The following EMD variants were observed in gnomAD, a reference collection of about 807,000 sequenced individuals.
EMD encodes the protein LEM domain containing 5.
Under a neutral mutation model 15.2 loss-of-function variants are expected in EMD, and 2 were observed. That is an observed-to-expected ratio of 0.13 (90% CI 0.05 to 0.41). The LOEUF is 0.41. Among genes scored for constraint, EMD ranks in the 10% least tolerant of loss-of-function variants. EMD has a pLI of 0.99. For synonymous variants in EMD, 122 were observed against 86.2 expected (o/e 1.42, Z -2.30); for missense variants, 224 against 213.4 (o/e 1.05, Z -0.31).
At chrX:154,379,832 G>A in intron 2 of EMD, 38 bp downstream of exon 2, 1 of 1,183,008 alleles carries the variant, frequency 8.5e-7, no homozygotes, top group Non-Finnish European at 1.1e-6. Context: ...TGGGACGCGG[G>A]GAGGATGGGG....
At chrX:154,380,557 G>C (rs1343959899) in intron 4 of EMD, 190 bp downstream of exon 4, 3 of 851,232 alleles carry the variant, frequency 3.5e-6, no homozygotes, top group Non-Finnish European at 5.0e-6. Context: ...GGCAAAAGGG[G>C]ATGCTGGGGC....
intron 1 of EMD, 23 bp from the exon 2 acceptor site, chrX:154,379,667 C>T: frequency 1.7e-6 from 2 of 1,206,576 alleles, no homozygotes; most frequent in Non-Finnish European, 2.2e-6. Context: ...GCCCGCGGCC[C>T]TGACCGCCCC....
rs782354948 is a variant in EMD at position 154,380,733 on chromosome X, G to A, written c.400-20G>A. 71 of 1,209,770 alleles carry A rather than the reference G, an allele frequency of 5.9e-5. No homozygotes were observed. In the Admixed American group the frequency reaches 6.5e-4, roughly 11 times the overall value. On this transcript the variant is annotated intron_variant, in intron 4 of 5. Transcript: ENST00000369842. The stretch of plus-strand genomic sequence containing the variant: ...GGTGGCCCTGCCAGCCAGTCCCCTC[G>A]CCCTGACTCTCTTCTGCAGGTGCAT...
chrX:154,380,898 G>C lies in EMD; in HGVS notation c.466G>C (p.Gly156Arg), dbSNP rs144594695. ...ECKDRERPMY[G>R]RDSAYQSITH... is the part of the protein sequence containing the mutation. ...TTGCCTCAGGGAACGCCCCATGTAC[G>C]GCCGGGACAGTGCCTACCAGAGCAT... The change falls in exon 6 of 6, where the codon GGC becomes CGC. Residue 156 changes from glycine to arginine, a missense_variant. By Grantham distance (125) the Gly-to-Arg change is moderately radical. Transcript: ENST00000369842. 46 of 1,210,305 alleles carry C rather than the reference G, an allele frequency of 3.8e-5. No individual in the cohort carries two copies. The highest frequency in any genetic ancestry group is 4.1e-5 in the Non-Finnish European group (37 of 895,230).
chrX:154,380,843 C>T, intron 5 of EMD, 39 bp from the exon 6 acceptor site: 1 of 1,211,853 alleles, frequency 8.3e-7, no homozygotes, highest in Non-Finnish European at 1.1e-6. Flanking sequence ...GGTTCTGGGT[C>T]CAGGCTCCTG....
At position 154,381,269 on chromosome X, in the gene EMD, G is replaced by T; in HGVS notation, c.*72G>T. The T allele has an allele frequency of 1.1e-6, 1 of 923,563 alleles. No homozygotes were observed. The highest frequency in any genetic ancestry group is 4.0e-5 in the East Asian group (1 of 25,208). 76.1% of individuals were successfully genotyped at this position (923,563 alleles called of 1,213,427 possible). Reference sequence around the variant, plus strand: ...TCCTGGCTGACTGCCTTAGCAGTGGGGGTGGGGGTGGGGGCAGGGGCAGGG... The same window carrying T: ...TCCTGGCTGACTGCCTTAGCAGTGGTGGTGGGGGTGGGGGCAGGGGCAGGG... On this transcript the variant is annotated 3_prime_UTR_variant, in exon 6 of 6. Transcript: ENST00000369842.
chrX:154,379,660 C>T (rs1175282825), intron 1 of EMD, 30 bp from the exon 2 acceptor site: 2 of 1,203,093 alleles, frequency 1.7e-6, no homozygotes, highest in African/African-American at 1.7e-5. Context: ...TTCCCCGGCC[C>T]GCGGCCCTGA....
At chrX:154,379,869 T>C (rs2067876478) in intron 2 of EMD, 73 bp from the exon 3 acceptor site, 4 of 1,175,296 alleles carry the variant, frequency 3.4e-6, no homozygotes, top group Non-Finnish European at 4.6e-6. Flanking sequence ...GGGGGGCCGG[T>C]CGAGAGCGGC....
Position 154,380,194 on chromosome X carries a change from C to CACCGATGCCCCCTCTGCT in EMD, c.266-35_266-18dup, listed in dbSNP as rs200992013. On this transcript the variant is annotated intron_variant, in intron 3 of 5. Transcript: ENST00000369842. ...TAGGGCCATCAGGCCAGGCGGGGCA[C>CACCGATGCCCCCTCTGCT]ACCGATGCCCCCTCTGCTACCGCTG... 3.3e-3 allele frequency: 3,975 copies of CACCGATGCCCCCTCTGCT among 1,208,656 alleles called. 80 individuals are homozygous for CACCGATGCCCCCTCTGCT. In the Admixed American group the frequency reaches 0.048, roughly 15 times the overall value.
chrX:154,379,484 C>T lies in EMD; in HGVS notation c.-1C>T. On this transcript the variant is annotated 5_prime_UTR_variant, in exon 1 of 6. Coordinates refer to ENST00000369842, the MANE Select transcript of EMD (RefSeq NM_000117.3). ...GGCCTCCGCCTGAGCCCGCACCCGC[C>T]ATGGACAACTACGCAGATCTTTCGG... 1 of 1,167,200 alleles carries T rather than the reference C, an allele frequency of 8.6e-7. No homozygotes were observed. Among genetic ancestry groups the T allele is most frequent in the Non-Finnish European group, 1.1e-6 (1 of 872,696 alleles).
chrX:154,380,126 T>C (rs921662658), intron 3 of EMD, 107 bp downstream of exon 3: 2 of 1,195,017 alleles, frequency 1.7e-6, no homozygotes, highest in African/African-American at 3.5e-5. Context: ...CCAGCAGCCT[T>C]AGGAGGGAGA....
In EMD at chrX:154,380,901, CG is replaced by C; in HGVS notation, c.472del (p.Asp158ThrfsTer79). The C allele has an allele frequency of 8.3e-7, 1 of 1,211,812 alleles. No homozygotes were observed. Among genetic ancestry groups the C allele is most frequent in the Non-Finnish European group, 1.1e-6 (1 of 895,532 alleles). ...CKDRERPMYG[R>X]DSAYQSITHY... ...CCTCAGGGAACGCCCCATGTACGGC[CG>C]GGACAGTGCCTACCAGAGCATCACG... is the stretch of plus-strand genomic sequence containing the variant. On this transcript the variant is annotated frameshift_variant, in exon 6 of 6. Transcript: ENST00000369842. LOFTEE classifies it low-confidence loss of function (END_TRUNC).
Position 154,379,890 on chromosome X carries a change from G to A in EMD, c.188-52G>A, listed in dbSNP as rs184469118. ...CCGGTCGAGAGCGGCACTGGAGAAAGGGGAGGGAAGTCTGGGGGGGCAAAC... is the reference window on the plus strand; with the variant it reads ...CCGGTCGAGAGCGGCACTGGAGAAAAGGGAGGGAAGTCTGGGGGGGCAAAC... On this transcript the variant is annotated intron_variant, in intron 2 of 5. Transcript: ENST00000369842. 3.2e-3 allele frequency: 3,791 copies of A among 1,187,273 alleles called. 74 individuals are homozygous for A. The African/African-American group carries it at 0.058, about 18-fold the overall frequency.
At chrX:154,380,686 C>G in intron 4 of EMD, 67 bp from the exon 5 acceptor site, 1 of 1,197,018 alleles carries the variant, frequency 8.4e-7, no homozygotes, top group Non-Finnish European at 1.1e-6. Context: ...GAAGTTTGGA[C>G]TGAGGGACAT....
At position 154,380,754 on chromosome X, in the gene EMD, T is replaced by C; in HGVS notation, c.401T>C (p.Val134Ala). The change falls in exon 5 of 6, where the codon GTG becomes GCG. Residue 134 changes from valine (V) to alanine (A), a missense_variant and splice_region_variant. Val to Ala is a moderately conservative substitution (Grantham distance 64). Coordinates refer to ENST00000369842, the MANE Select transcript of EMD (RefSeq NM_000117.3). ...FPDADAFHHQ[V>A]HDDDLLSSSE... The stretch of plus-strand genomic sequence containing the variant: ...CCTCGCCCTGACTCTCTTCTGCAGG[T>C]GCATGATGACGATCTTTTGTCTTCT... The C allele has an allele frequency of 1.7e-6, 2 of 1,211,742 alleles. No individual in the cohort carries two copies. The highest frequency in any genetic ancestry group is 2.2e-6 in the Non-Finnish European group (2 of 895,522).
In EMD at chrX:154,379,997, C is replaced by T. The variant is rs150757295; in HGVS notation, c.243C>T (p.Asp81=). Residue 81 remains aspartate (D), a synonymous_variant, in exon 3 of 6, where the codon GAC becomes GAT. Transcript: ENST00000369842. The part of the protein sequence containing the change: ...ADMYDLPKKE[D]ALLYQSKGYN... Reference sequence around the variant, plus strand: ...TGTATGATCTTCCCAAGAAAGAGGACGCTTTACTCTACCAGAGCAAGGGTA... The same window carrying T: ...TGTATGATCTTCCCAAGAAAGAGGATGCTTTACTCTACCAGAGCAAGGGTA... 36 of 1,209,934 alleles carry T rather than the reference C, an allele frequency of 3.0e-5. No homozygotes were observed. Among genetic ancestry groups the T allele is most frequent in the Non-Finnish European group, 3.7e-5 (33 of 894,899 alleles).
intron 5 of EMD, 22 bp downstream of exon 5, chrX:154,380,824 G>A (rs1557182584): frequency 8.3e-7 from 1 of 1,211,840 alleles, no homozygotes; most frequent in South Asian, 1.8e-5. Flanking sequence ...GGGAGCCCAG[G>A]GACGGGCTGG....
rs781933286 is a variant in EMD, at chrX:154,381,014, A to C, written c.582A>C (p.Ser194=). Residue 194 remains serine, a synonymous_variant, in exon 6 of 6, where the codon TCA becomes TCC. Coordinates refer to ENST00000369842, the MANE Select transcript of EMD (RefSeq NM_000117.3). ...TSSSTSFMSS[S]SSSSSWLTRR... is the part of the protein sequence containing the mutation. ...CCTCCACCTCTTTTATGTCCTCCTC[A>C]TCATCTTCCTCTTCATGGCTCACCC... 7.4e-6 allele frequency: 9 copies of C among 1,209,706 alleles called. No individual in the cohort carries two copies. The highest frequency in any genetic ancestry group is 3.0e-5 in the East Asian group (1 of 33,755).
In EMD at chrX:154,380,947, C is replaced by T; in HGVS notation, c.515C>T (p.Ala172Val). 8.3e-7 allele frequency: 1 copy of T among 1,211,481 alleles called. No individual in the cohort carries two copies. Among genetic ancestry groups the T allele is most frequent in the Non-Finnish European group, 1.1e-6 (1 of 895,477 alleles). ...ATCACGCACTACCGCCCTGTTTCAG[C>T]CTCCAGGAGCTCCCTGGACCTGTCC... ...QSITHYRPVS[A>V]SRSSLDLSYY... The change falls in exon 6 of 6, where the codon GCC becomes GTC. Residue 172 changes from alanine to valine, a missense_variant. Coordinates refer to ENST00000369842, the MANE Select transcript of EMD (RefSeq NM_000117.3).
Sources: gnomAD v4.1 joint callset for allele counts on GRCh38, gnomAD v4.1.1 for gene constraint, MANE v1.5 for transcripts, NCBI Gene and HGNC (gene_info 2026-07-23, HGNC 2026-07-21) for gene names.